Variants in SLIRP observed in about 807,000 individuals in gnomAD.
SLIRP encodes the protein SRA stem-loop-interacting RNA-binding protein, mitochondrial.
In SLIRP, 12 loss-of-function variants were observed where a neutral mutation model predicts 13.4. That is an observed-to-expected ratio of 0.89 (90% CI 0.57 to 1.45). SLIRP has a LOEUF of 1.45. Among genes scored for constraint, SLIRP ranks in the 40% most tolerant of loss-of-function variants. The pLI is 0.00. For missense variants in SLIRP, 154 were observed against 132.2 expected (o/e 1.17, Z -0.81); for synonymous variants, 55 against 47.1 (o/e 1.17, Z -0.69).
chr14:77,715,725 C>T, intron 2 of SLIRP, 47 bp from the exon 3 acceptor site: 5 of 1,509,172 alleles, frequency 3.3e-6, no homozygotes, highest in Non-Finnish European at 4.5e-6. Flanking sequence ...CTCATGGAAA[C>T]TTTCTGAAGT....
At chr14:77,710,130 A>G (rs1465510005) in intron 1 of SLIRP, among the ~76,000 whole-genome samples, 2 of 152,208 alleles carry the variant, frequency 1.3e-5, no homozygotes, top group African/African-American at 4.8e-5. Context: ...TGTAGTTTTT[A>G]GTCTTTAAGA....
At chr14:77,716,018 A>T in intron 3 of SLIRP, 139 bp downstream of exon 3, 1 of 751,652 alleles carries the variant, frequency 1.3e-6, no homozygotes, top group Non-Finnish European at 2.2e-6. Context: ...AATGCTTGTT[A>T]AGAATGGTGG....
chr14:77,715,644 A>AAAAAT (rs763735591), intron 2 of SLIRP, 128 bp from the exon 3 acceptor site: 1 of 773,546 alleles, frequency 1.3e-6, no homozygotes, highest in East Asian at 2.7e-5. Flanking sequence ...GACCCTGCCT[A>AAAAAT]AAAATAAAAT....
intron 3 of SLIRP, among the ~76,000 whole-genome samples, chr14:77,717,256 G>A (rs2080493305): frequency 1.3e-5 from 2 of 152,180 alleles, no homozygotes; most frequent in South Asian, 4.1e-4. Flanking sequence ...CCAAAATGCT[G>A]GCATTACAGG....
chr14:77,711,039 T>C (rs2080436311), intron 2 of SLIRP, 143 bp downstream of exon 2: 3 of 750,890 alleles, frequency 4.0e-6, no homozygotes, highest in South Asian at 3.5e-5. Context: ...CAGAGTGTAA[T>C]TGGATTATTT....
intron 1 of SLIRP, among the ~76,000 whole-genome samples, chr14:77,708,680 G>A (rs2080415678): frequency 6.6e-6 from 1 of 152,210 alleles, no homozygotes; most frequent in Non-Finnish European, 1.5e-5. Flanking sequence ...TGGGAGAAGT[G>A]TACGGAATAA....
At chr14:77,710,692 C>T (rs1201217802) in intron 1 of SLIRP, 146 bp from the exon 2 acceptor site, 12 of 1,560,124 alleles carry the variant, frequency 7.7e-6, no homozygotes, top group Non-Finnish European at 1.0e-5. Context: ...TAGTCAGTAC[C>T]ATAGCTGCTT....
At position 77,708,140 on chromosome 14, in the gene SLIRP, C is replaced by T. The variant is rs117221257; in HGVS notation, c.29C>T (p.Ala10Val). 10,944 of 1,613,952 alleles carry T rather than the reference C, an allele frequency of 6.8e-3. 45 individuals carry two copies. Among genetic ancestry groups the T allele is most frequent in the Non-Finnish European group, 7.9e-3 (9,319 of 1,179,858 alleles). Reference sequence around the variant, plus strand: ...GCGGCCTCAGCAGCGAGAGGTGCTGCGGCGCTGCGTAGAAGTATCAATCAG... The same window carrying T: ...GCGGCCTCAGCAGCGAGAGGTGCTGTGGCGCTGCGTAGAAGTATCAATCAG... Reference protein sequence around the residue: MAASAARGAAALRRSINQPV... With the variant: MAASAARGAVALRRSINQPV... The change falls in exon 1 of 4, where the codon GCG (alanine) becomes GTG (valine). Residue 10 changes from alanine (A) to valine (V), a missense_variant. By Grantham distance (64) the Ala-to-Val change is moderately conservative. Transcript: ENST00000557342.
intron 1 of SLIRP, among the ~76,000 whole-genome samples, chr14:77,708,793 C>T (rs968753142): frequency 6.6e-6 from 1 of 152,158 alleles, no homozygotes; most frequent in African/African-American, 2.4e-5. Context: ...AATGTGTTGA[C>T]TTTGAGAAAC....
chr14:77,715,637 C>A, intron 2 of SLIRP, 135 bp from the exon 3 acceptor site: 1 of 723,586 alleles, frequency 1.4e-6, no homozygotes, highest in South Asian at 2.0e-5. Flanking sequence ...AGAGCAAGAC[C>A]CTGCCTAAAA....
chr14:77,713,975 A>G (rs966837927), intron 2 of SLIRP, among the ~76,000 whole-genome samples: 3 of 151,514 alleles, frequency 2.0e-5, no homozygotes, highest in South Asian at 2.1e-4. Flanking sequence ...GACAAAAAAA[A>G]TATTTTTTTG....
chr14:77,709,400 CAT>C (rs1378404965), intron 1 of SLIRP, among the ~76,000 whole-genome samples: 8 of 152,178 alleles, frequency 5.3e-5, no homozygotes, highest in Non-Finnish European at 7.3e-5. Flanking sequence ...GTGTTTTAAA[CAT>C]GTGGTTGGTG....
intron 3 of SLIRP, among the ~76,000 whole-genome samples, chr14:77,716,765 C>A (rs2080486403): frequency 6.6e-6 from 1 of 151,350 alleles, no homozygotes; most frequent in African/African-American, 2.4e-5. Flanking sequence ...TAACAGTCTA[C>A]TTTTCTTTTT....
intron 3 of SLIRP, among the ~76,000 whole-genome samples, chr14:77,716,541 CTCAGG>C (rs1489825024): frequency 2.2e-5 from 3 of 137,716 alleles, no homozygotes; most frequent in Non-Finnish European, 3.3e-5. Flanking sequence ...GTCCCAGCTA[CTCAGG>C]AGACTGAGGC....
chr14:77,708,169 G>C lies in SLIRP; in HGVS notation c.58G>C (p.Val20Leu), dbSNP rs148907079. The change falls in exon 1 of 4, where the codon GTT (valine) becomes CTT (leucine). Residue 20 changes from valine (V) to leucine (L), a missense_variant. Val to Leu is a conservative substitution (Grantham distance 32). Coordinates refer to ENST00000557342, the MANE Select transcript of SLIRP (RefSeq NM_031210.6). ...AALRRSINQP[V>L]AFVRRIPWTA... ...GCTGCGTAGAAGTATCAATCAGCCG[G>C]TTGCTTTTGTGAGAAGAATTCCTTG... The C allele has an allele frequency of 2.8e-4, 448 of 1,614,104 alleles. No individual in the cohort carries two copies. The highest frequency in any genetic ancestry group is 3.7e-4 in the Non-Finnish European group (436 of 1,180,066).
intron 1 of SLIRP, among the ~76,000 whole-genome samples, chr14:77,709,253 TC>T (rs1215010957): frequency 6.6e-6 from 1 of 152,260 alleles, no homozygotes; most frequent in Non-Finnish European, 1.5e-5. Context: ...ATGTAAACAT[TC>T]GTGGTCACTC....
At chr14:77,717,327 A>G (rs2080493809) in intron 3 of SLIRP, among the ~76,000 whole-genome samples, 169 bp from the exon 4 acceptor site, 1 of 152,204 alleles carries the variant, frequency 6.6e-6, no homozygotes, top group Non-Finnish European at 1.5e-5. Context: ...GAGTCATAAT[A>G]CCAACAAAGA....
chr14:77,709,258 G>A (rs975410947), intron 1 of SLIRP, among the ~76,000 whole-genome samples: 1 of 152,174 alleles, frequency 6.6e-6, no homozygotes, highest in African/African-American at 2.4e-5. Flanking sequence ...AACATTCGTG[G>A]TCACTCTTTT....
Position 77,715,775 on chromosome 14 carries a change from A to G in SLIRP, c.160A>G (p.Lys54Glu), listed in dbSNP as rs898730587. ...HVRRCILPFDKETGFHRGLGW... is the reference protein window; with the variant it reads ...HVRRCILPFDEETGFHRGLGW... The stretch of plus-strand genomic sequence containing the variant: ...TTCCTATATTTTGAATTTTTAGGAC[A>G]AGGAGACTGGCTTTCACAGAGGTTT... Residue 54 changes from lysine to glutamate, a missense_variant, in exon 3 of 4, where the codon AAG becomes GAG. Lys to Glu is a moderately conservative substitution (Grantham distance 56). Transcript: ENST00000557342. 5 of 1,612,108 alleles carry G rather than the reference A, an allele frequency of 3.1e-6. No individual in the cohort carries two copies. Among genetic ancestry groups the G allele is most frequent in the East Asian group, 4.5e-5 (2 of 44,864 alleles).
Sources: allele counts gnomAD v4.1 joint callset (sites outside exome capture counted in the v4.1 genomes callset), GRCh38; gene constraint gnomAD v4.1.1; transcripts MANE v1.5; gene names NCBI Gene and HGNC (gene_info 2026-07-23, HGNC 2026-07-21).